Variants in FRMD6 observed in about 807,000 individuals in gnomAD.
FRMD6 encodes FERM domain containing 6, also known as FERM domain-containing protein 6.
In FRMD6, 37 loss-of-function variants were observed where a neutral mutation model predicts 73.2. That is an observed-to-expected ratio of 0.51 (90% confidence interval 0.39 to 0.66). FRMD6 has a LOEUF of 0.66. Among genes scored for constraint, FRMD6 ranks in the 30% least tolerant of loss-of-function variants. FRMD6 has a pLI of 0.00. For missense variants in FRMD6, 714 were observed against 780.5 expected, an observed-to-expected ratio of 0.91 and a Z score of 1.02; for synonymous variants, 273 against 282.2, an observed-to-expected ratio of 0.97 and a Z score of 0.33.
chr14:51,715,326 G>T lies in FRMD6; in HGVS notation c.851G>T (p.Gly284Val). Residue 284 changes from glycine to valine, a missense_variant and splice_region_variant, in exon 10 of 14, where the codon GGT becomes GTT. Physicochemically the swap from Gly to Val is moderately radical, Grantham distance 109. Transcript: ENST00000344768. ...TTGATTCATGGTTTCCTTCCAAAGGGTAAGAAATTTGAGATTTTGCCAGAT... is the reference window on the plus strand; with the variant it reads ...TTGATTCATGGTTTCCTTCCAAAGGTTAAGAAATTTGAGATTTTGCCAGAT... ...WTNVGKLVFV[G>V]KKFEILPDGL... is the part of the protein sequence containing the mutation. 6.4e-7 allele frequency: 1 copy of T among 1,557,900 alleles called. No individual in the cohort carries two copies. The highest frequency in any genetic ancestry group is 1.2e-5 in the South Asian group (1 of 83,062).
chr14:51,679,260 AT>A (rs1030553444), intron 1 of FRMD6, among the ~76,000 whole-genome samples: 74 of 146,324 alleles, frequency 5.1e-4, no homozygotes, highest in African/African-American at 1.7e-3. Flanking sequence ...AAAAGGAAGG[AT>A]TTTTTTTTCT....
chr14:51,489,739 G>T (rs973187274), intron 1 of FRMD6, among the ~76,000 whole-genome samples: 2 of 152,218 alleles, frequency 1.3e-5, no homozygotes, highest in Non-Finnish European at 2.9e-5. Flanking sequence ...CAGTGTGTGT[G>T]TTTATGTACG....
At chr14:51,663,205 G>C (rs1189088206) in intron 1 of FRMD6, among the ~76,000 whole-genome samples, 2 of 152,176 alleles carry the variant, frequency 1.3e-5, no homozygotes, top group African/African-American at 4.8e-5. Flanking sequence ...AAGACAGTGT[G>C]GTGATTCCTC....
chr14:51,473,976 C>A, the FRMD6 span, among the ~76,000 whole-genome samples: 1 of 152,138 alleles, frequency 6.6e-6, no homozygotes, highest in African/African-American at 2.4e-5. Flanking sequence ...TTATTGAGCA[C>A]GTATCACATT....
chr14:51,437,041 G>C, the FRMD6 span: 1 of 490,396 alleles, frequency 2.0e-6, no homozygotes, highest in Non-Finnish European at 3.7e-6. Context: ...CAACGTGCAA[G>C]TTTGTTACAT....
At chr14:51,561,934 A>G (rs1459684858) in intron 1 of FRMD6, among the ~76,000 whole-genome samples, 2 of 152,256 alleles carry the variant, frequency 1.3e-5, no homozygotes, top group African/African-American at 4.8e-5. Flanking sequence ...ATCTTGTAGA[A>G]CAATCCTGGT....
At chr14:51,492,940 A>G (rs1404263172) in intron 1 of FRMD6, among the ~76,000 whole-genome samples, 1 of 152,182 alleles carries the variant, frequency 6.6e-6, no homozygotes, top group Non-Finnish European at 1.5e-5. Flanking sequence ...CCTGGATTAC[A>G]AACTCCTTCC....
intron 1 of FRMD6, among the ~76,000 whole-genome samples, chr14:51,538,329 T>C (rs1886014496): frequency 6.6e-6 from 1 of 152,166 alleles, no homozygotes; most frequent in African/African-American, 2.4e-5. Context: ...GATATGAGAA[T>C]ATTTTGTCCC....
the FRMD6 span, among the ~76,000 whole-genome samples, chr14:51,445,874 C>T: frequency 6.6e-6 from 1 of 152,208 alleles, no homozygotes; most frequent in Non-Finnish European, 1.5e-5. Context: ...ATTATGACAG[C>T]TAATGCTTCT....
the FRMD6 span, among the ~76,000 whole-genome samples, chr14:51,423,783 C>T: frequency 6.6e-6 from 1 of 152,144 alleles, no homozygotes; most frequent in South Asian, 2.1e-4. Flanking sequence ...TTTTGTCCCC[C>T]CTTTTCATCC....
the FRMD6 span, among the ~76,000 whole-genome samples, chr14:51,426,416 G>T: frequency 2.0e-5 from 3 of 151,980 alleles, no homozygotes; most frequent in Admixed American, 6.6e-5. Context: ...TCTCTCAGAA[G>T]TCTCTACTTT....
chr14:51,413,766 C>A, the FRMD6 span, among the ~76,000 whole-genome samples: 1 of 152,190 alleles, frequency 6.6e-6, no homozygotes, highest in East Asian at 1.9e-4. Flanking sequence ...CTAGTTTACA[C>A]TCCTACCAAC....
the FRMD6 span, among the ~76,000 whole-genome samples, chr14:51,427,947 CA>C: frequency 6.6e-6 from 1 of 152,180 alleles, no homozygotes; most frequent in African/African-American, 2.4e-5. Flanking sequence ...TAAAAATTCA[CA>C]AAATATAACT....
the FRMD6 span, among the ~76,000 whole-genome samples, chr14:51,458,189 T>C: frequency 3.9e-5 from 6 of 152,096 alleles, no homozygotes; most frequent in African/African-American, 1.4e-4. Context: ...TAGAAGAGAG[T>C]TGTGTTGATA....
chr14:51,572,936 CAGAG>C (rs1484070626), intron 2 of FRMD6, among the ~76,000 whole-genome samples: 4 of 152,138 alleles, frequency 2.6e-5, no homozygotes, highest in Non-Finnish European at 5.9e-5. Flanking sequence ...TTTTTGGAGA[CAGAG>C]AGAAGACTAA....
the FRMD6 span, among the ~76,000 whole-genome samples, chr14:51,483,141 T>C: frequency 2.6e-5 from 4 of 152,246 alleles, no homozygotes; most frequent in Non-Finnish European, 5.9e-5. Flanking sequence ...TTTTATGAAG[T>C]GTTTTTCTTT....
At chr14:51,668,829 G>A (rs557264367) in intron 1 of FRMD6, among the ~76,000 whole-genome samples, 32 of 151,448 alleles carry the variant, frequency 2.1e-4, no homozygotes, top group African/African-American at 3.4e-4. Context: ...CACCACACCC[G>A]GCTAATTTTT....
At chr14:51,587,235 A>G (rs373511258) in intron 2 of FRMD6, among the ~76,000 whole-genome samples, 3 of 152,156 alleles carry the variant, frequency 2.0e-5, no homozygotes, top group Non-Finnish European at 4.4e-5. Flanking sequence ...TGGGTTCCCT[A>G]TTCTGTTCCA....
At chr14:51,712,322 A>T (rs1481403602) in intron 8 of FRMD6, among the ~76,000 whole-genome samples, 161 bp from the exon 9 acceptor site, 2 of 152,240 alleles carry the variant, frequency 1.3e-5, no homozygotes, top group African/African-American at 4.8e-5. Flanking sequence ...CAGAATTGTT[A>T]TCATGAATCT....
Sources: allele counts gnomAD v4.1 joint callset (sites outside exome capture counted in the v4.1 genomes callset), GRCh38; gene constraint gnomAD v4.1.1; transcripts MANE v1.5; gene names NCBI Gene and HGNC (gene_info 2026-07-23, HGNC 2026-07-21).